TRDMT1: variants seen among roughly 807,000 people sequenced by gnomAD.
The protein encoded by TRDMT1 is tRNA aspartic acid methyltransferase 1, also known as tRNA (cytosine(38)-C(5))-methyltransferase.
A neutral mutation model predicts 51.2 loss-of-function variants in TRDMT1; 49 were observed. The observed-to-expected ratio is 0.96, with a 90% confidence interval of 0.76 to 1.21. TRDMT1 has a LOEUF of 1.21. TRDMT1 is among the 50% of genes most tolerant of loss of function. The pLI is 0.00. For synonymous variants in TRDMT1, 187 were observed against 164.6 expected, an observed-to-expected ratio of 1.14 and a Z score of -1.04; for missense variants, 534 against 462.3, an observed-to-expected ratio of 1.16 and a Z score of -1.42.
At chr10:17,188,552 T>C (rs1456355122) in intron 1 of TRDMT1, among the ~76,000 whole-genome samples, 1 of 152,194 alleles carries the variant, frequency 6.6e-6, no homozygotes, top group African/African-American at 2.4e-5. Flanking sequence ...CTCCAACATA[T>C]TTTATACAGC....
chr10:17,198,175 T>C (rs1409658512), intron 1 of TRDMT1, among the ~76,000 whole-genome samples: 2 of 152,092 alleles, frequency 1.3e-5, no homozygotes, highest in Non-Finnish European at 2.9e-5. Flanking sequence ...AAGTGGAGAA[T>C]ATGGAGGTAG....
At chr10:17,169,174 T>C (rs568611771) in intron 2 of TRDMT1, 4 of 538,776 alleles carry the variant, frequency 7.4e-6, no homozygotes, top group African/African-American at 1.9e-5. Context: ...AGTTGTTTCC[T>C]GGATCCTAAG....
At position 17,140,037 on chromosome 10, in the gene TRDMT1, C is replaced by CTTTTTTT; in HGVS notation, c.*8996_*9002dup. Among the ~76,000 whole-genome samples, 34 of 21,920 alleles carry CTTTTTTT rather than the reference C, an allele frequency of 1.6e-3. 12 individuals are homozygous for CTTTTTTT. Among genetic ancestry groups the CTTTTTTT allele is most frequent in the African/African-American group, 3.4e-3 (18 of 5,356 alleles). 14.4% of individuals were successfully genotyped at this position (21,920 alleles called of 152,430 possible). A position where few individuals can be genotyped will look rare whatever the true frequency, so the allele number is the denominator to read the frequency against. ...TATTCTTCCAGTAACATCTAGTGTG[C>CTTTTTTT]TTTTTTTTTTTTTTTTTTTTTTTTT... On this transcript the variant is annotated 3_prime_UTR_variant, in exon 11 of 11. Transcript: ENST00000377799.
chr10:17,150,904 T>C, intron 10 of TRDMT1: 1 of 985,342 alleles, frequency 1.0e-6, no homozygotes, highest in Non-Finnish European at 1.2e-6. Context: ...TTTTAGACTA[T>C]CCCAGAGATG....
At position 17,168,915 on chromosome 10, in the gene TRDMT1, G is replaced by A; in HGVS notation, c.177C>T (p.Gly59=). The change falls in exon 3 of 11, where the codon GGC becomes GGT. Residue 59 remains glycine (G), a splice_region_variant and synonymous_variant. Coordinates refer to ENST00000377799, the MANE Select transcript of TRDMT1 (RefSeq NM_004412.7). ...HTQLLAKTIE[G]ITLEEFDRLS... is the part of the protein sequence containing the mutation. ...ATCTGTCAAACTCTTCGAGTGTAAT[G>A]CCCTGAGGAATGAACATTTAGGGGG... The A allele has an allele frequency of 1.9e-6, 3 of 1,606,460 alleles. No homozygotes were observed. The highest frequency in any genetic ancestry group is 2.6e-6 in the Non-Finnish European group (3 of 1,175,726).
chr10:17,177,305 G>C (rs1051250859), intron 1 of TRDMT1, among the ~76,000 whole-genome samples: 1 of 151,782 alleles, frequency 6.6e-6, no homozygotes, highest in African/African-American at 2.4e-5. Context: ...CAAGCAATTT[G>C]ATTCTCCTGC....
Position 17,159,137 on chromosome 10 carries a change from T to C in TRDMT1, c.543+9A>G. The C allele has an allele frequency of 1.3e-6, 2 of 1,543,938 alleles. No individual in the cohort carries two copies. Among genetic ancestry groups the C allele is most frequent in the South Asian group, 1.3e-5 (1 of 79,532 alleles). ...CATAATATTCATAATAAAATTCCAATAATAATACCTGACCAGGGGCTTGAA... is the reference window on the plus strand; with the variant it reads ...CATAATATTCATAATAAAATTCCAACAATAATACCTGACCAGGGGCTTGAA... On this transcript the variant is annotated intron_variant, in intron 7 of 10. Transcript: ENST00000377799.
At chr10:17,188,080 ACT>A (rs1034753419) in intron 1 of TRDMT1, among the ~76,000 whole-genome samples, 20 of 152,114 alleles carry the variant, frequency 1.3e-4, no homozygotes, top group African/African-American at 4.8e-4. Flanking sequence ...AGTAAAACAA[ACT>A]CTGTTTTTTG....
In TRDMT1 at chr10:17,146,036, G is replaced by A; in HGVS notation, c.*3004C>T. On this transcript the variant is annotated 3_prime_UTR_variant, in exon 11 of 11. Coordinates refer to ENST00000377799, the MANE Select transcript of TRDMT1 (RefSeq NM_004412.7). ...CCCCTACCAATGCGTTGAATTGCCT[G>A]CACTCATCTCTAACCCCATCCAATT... 4 of 985,440 alleles carry A rather than the reference G, an allele frequency of 4.1e-6. No individual in the cohort carries two copies. The South Asian group carries it at 1.9e-4, about 46-fold the overall frequency. The allele number at this position is 985,440 out of a possible 1,614,324, so 61.0% of individuals were successfully genotyped here. A position where few individuals can be genotyped will look rare whatever the true frequency, so the allele number is the denominator to read the frequency against.
At chr10:17,169,094 G>A (rs1841618205) in intron 2 of TRDMT1, among the ~76,000 whole-genome samples, 177 bp from the exon 3 acceptor site, 1 of 152,172 alleles carries the variant, frequency 6.6e-6, no homozygotes, top group East Asian at 1.9e-4. Flanking sequence ...AGGAAGTGGG[G>A]CAGTAAACTG....
chr10:17,197,210 A>G (rs1845572417), intron 1 of TRDMT1, among the ~76,000 whole-genome samples: 1 of 152,202 alleles, frequency 6.6e-6, no homozygotes, highest in Non-Finnish European at 1.5e-5. Context: ...TCTGGGCTAA[A>G]TAAACCTTCA....
intron 1 of TRDMT1, among the ~76,000 whole-genome samples, chr10:17,185,551 T>C (rs1843774402): frequency 2.0e-5 from 3 of 152,114 alleles, no homozygotes; most frequent in Non-Finnish European, 4.4e-5. Context: ...ACCATCCCAT[T>C]ACTGGGCATA....
At chr10:17,189,533 T>C (rs1290255907) in intron 1 of TRDMT1, among the ~76,000 whole-genome samples, 1 of 152,166 alleles carries the variant, frequency 6.6e-6, no homozygotes, top group Admixed American at 6.5e-5. Flanking sequence ...GAACATCATT[T>C]AATCTGAATA....
chr10:17,171,525 CT>C (rs981814007), intron 2 of TRDMT1: 1 of 152,210 alleles, frequency 6.6e-6, no homozygotes, highest in Non-Finnish European at 1.5e-5. Context: ...AGGCTTAACT[CT>C]TTTGTTTTTG....
chr10:17,153,346 T>G (rs1564557694), intron 10 of TRDMT1, 161 bp downstream of exon 10: 4 of 774,746 alleles, frequency 5.2e-6, no homozygotes, highest in African/African-American at 3.5e-5. Flanking sequence ...GAGGCAGTTA[T>G]GAGGGGAAAG....
intron 1 of TRDMT1, among the ~76,000 whole-genome samples, chr10:17,178,519 T>C (rs569807632): frequency 4.7e-4 from 71 of 151,846 alleles, no homozygotes; most frequent in African/African-American, 1.7e-3. Context: ...CTACTAAAAA[T>C]ACAAAAATTA....
intron 1 of TRDMT1, among the ~76,000 whole-genome samples, chr10:17,194,608 T>A (rs1282629500): frequency 2.6e-5 from 4 of 152,052 alleles, no homozygotes. Flanking sequence ...TAGGACAGCA[T>A]CTCAAACCAG....
At chr10:17,182,726 C>G (rs1843423847) in intron 1 of TRDMT1, among the ~76,000 whole-genome samples, 1 of 152,120 alleles carries the variant, frequency 6.6e-6, no homozygotes, top group Non-Finnish European at 1.5e-5. Context: ...AACTATAGCT[C>G]CCATGTCTTT....
At chr10:17,151,945 T>C in intron 10 of TRDMT1, 1 of 1,216,738 alleles carries the variant, frequency 8.2e-7, no homozygotes, top group East Asian at 5.7e-5. Flanking sequence ...TCATTCAGTC[T>C]GACTCTGGGC....
Sources: allele counts gnomAD v4.1 joint callset (sites outside exome capture counted in the v4.1 genomes callset), GRCh38; gene constraint gnomAD v4.1.1; transcripts MANE v1.5; gene names NCBI Gene and HGNC (gene_info 2026-07-23, HGNC 2026-07-21).